The following MARK4 variants were observed in gnomAD, a reference collection of about 807,000 sequenced individuals.
MARK4 encodes the protein microtubule affinity regulating kinase 4.
Under a neutral mutation model 81.5 loss-of-function variants are expected in MARK4, and 19 were observed. The ratio of observed to expected loss-of-function variants is 0.23; its 90% CI spans 0.16 to 0.34. The LOEUF is 0.34. MARK4 is among the 10% of genes least tolerant of loss of function. The pLI is 1.00. For synonymous variants in MARK4, 436 were observed against 439.0 expected, an observed-to-expected ratio of 0.99 and a Z score of 0.08; for missense variants, 772 against 1,058.8, an observed-to-expected ratio of 0.73 and a Z score of 3.76.
intron 7 of MARK4, among the ~76,000 whole-genome samples, chr19:45,270,141 T>TGATC (rs779606213): frequency 1.4e-4 from 22 of 152,160 alleles, no homozygotes; most frequent in Non-Finnish European, 3.1e-4. Flanking sequence ...AAATGTTTAC[T>TGATC]GATCACTGAC....
intron 7 of MARK4, among the ~76,000 whole-genome samples, chr19:45,270,701 G>C (rs572979422): frequency 6.6e-6 from 1 of 152,268 alleles, no homozygotes; most frequent in Admixed American, 6.5e-5. Context: ...CCAGGTTCAA[G>C]CAATTTTTGT....
At chr19:45,284,307 C>T (rs895428637) in intron 12 of MARK4, among the ~76,000 whole-genome samples, 3 of 151,512 alleles carry the variant, frequency 2.0e-5, no homozygotes, top group East Asian at 1.9e-4. Context: ...TGTGCCCAGC[C>T]ACTCCTAGAT....
chr19:45,270,401 G>A (rs1356073678), intron 7 of MARK4, among the ~76,000 whole-genome samples: 3 of 152,092 alleles, frequency 2.0e-5, no homozygotes, highest in African/African-American at 4.8e-5. Flanking sequence ...ACAGAGCCCA[G>A]TGCATGGTAG....
chr19:45,252,837 C>T (rs1257415286), intron 1 of MARK4, among the ~76,000 whole-genome samples: 1 of 152,160 alleles, frequency 6.6e-6, no homozygotes, highest in Non-Finnish European at 1.5e-5. Flanking sequence ...GTTCCTACCC[C>T]ATACTTCCAG....
chr19:45,255,863 C>G (rs1382132200), intron 1 of MARK4, among the ~76,000 whole-genome samples: 1 of 149,664 alleles, frequency 6.7e-6, no homozygotes, highest in African/African-American at 2.5e-5. Flanking sequence ...TGGCGGGAGG[C>G]CTCAGGCACC....
In MARK4 at chr19:45,266,262, T is replaced by C; in HGVS notation, c.530T>C (p.Ile177Thr). The C allele has an allele frequency of 6.2e-7, 1 of 1,613,784 alleles. No homozygotes were observed. The highest frequency in any genetic ancestry group is 8.5e-7 in the Non-Finnish European group (1 of 1,179,804). ...GTGCACTATTGTCACCAGAAAAATA[T>C]TGTACACAGGGACCTGAAGGTAAGC... is the stretch of plus-strand genomic sequence containing the variant. Reference protein sequence around the residue: ...SAVHYCHQKNIVHRDLKAENL... With the variant: ...SAVHYCHQKNTVHRDLKAENL... Residue 177 changes from isoleucine (I) to threonine (T), a missense_variant, in exon 7 of 17, where the codon ATT (isoleucine) becomes ACT (threonine). This residue lies in a region of MARK4 where 109 missense variants were observed against 294.7 expected (regional missense o/e 0.37). Coordinates refer to ENST00000262891, the MANE Select transcript of MARK4 (RefSeq NM_001199867.2).
intron 13 of MARK4, chr19:45,287,966 C>T: frequency 2.3e-6 from 1 of 430,754 alleles, no homozygotes; most frequent in Non-Finnish European, 4.3e-6. Flanking sequence ...AGGCCAGGCA[C>T]AGTGGCTCAT....
intron 10 of MARK4, 105 bp from the exon 11 acceptor site, chr19:45,280,269 T>C (rs1470292900): frequency 9.7e-6 from 10 of 1,027,642 alleles, no homozygotes; most frequent in Non-Finnish European, 1.5e-5. Context: ...GCCACTGCAC[T>C]CCAGCCTGGG....
intron 6 of MARK4, among the ~76,000 whole-genome samples, chr19:45,265,221 C>G (rs151016226): frequency 6.6e-6 from 1 of 151,792 alleles, no homozygotes; most frequent in Non-Finnish European, 1.5e-5. Context: ...GATGGGGGCA[C>G]GAAGGTGCCA....
intron 9 of MARK4, among the ~76,000 whole-genome samples, 194 bp from the exon 10 acceptor site, chr19:45,278,322 C>G (rs367612429): frequency 6.6e-6 from 1 of 151,916 alleles, no homozygotes; most frequent in Non-Finnish European, 1.5e-5. Context: ...CCAGATGATG[C>G]GGAGGAGGGA....
At chr19:45,287,781 C>CCATT in intron 13 of MARK4, 117 bp downstream of exon 13, 1 of 1,167,130 alleles carries the variant, frequency 8.6e-7, no homozygotes, top group East Asian at 2.6e-5. Context: ...CTTCTTCTAC[C>CCATT]CATTCATTCA....
chr19:45,283,101 T>C (rs1970697400), intron 12 of MARK4, among the ~76,000 whole-genome samples: 1 of 151,678 alleles, frequency 6.6e-6, no homozygotes, highest in Admixed American at 6.6e-5. Context: ...AAAAAGAAAA[T>C]TCACAACTTT....
intron 8 of MARK4, among the ~76,000 whole-genome samples, chr19:45,274,189 G>A (rs1410367887): frequency 6.6e-6 from 1 of 151,946 alleles, no homozygotes; most frequent in African/African-American, 2.4e-5. Context: ...GTGGAGCTTG[G>A]AGTGAGCGGA....
At chr19:45,266,176 C>T (rs1029774075) in intron 6 of MARK4, 49 bp from the exon 7 acceptor site, 11 of 1,592,956 alleles carry the variant, frequency 6.9e-6, no homozygotes, top group Non-Finnish European at 9.5e-6. Context: ...CTGAGGGAGG[C>T]TGAGGGTTTT....
intron 10 of MARK4, 36 bp downstream of exon 10, chr19:45,278,651 T>C (rs1454179388): frequency 4.7e-6 from 7 of 1,490,586 alleles, no homozygotes; most frequent in Non-Finnish European, 5.6e-6. Context: ...TCACCCAGGA[T>C]GGAGTGCAGT....
intron 16 of MARK4, among the ~76,000 whole-genome samples, chr19:45,300,941 G>C (rs1012802337): frequency 6.6e-6 from 1 of 152,036 alleles, no homozygotes; most frequent in Non-Finnish European, 1.5e-5. Flanking sequence ...CGGCCCCACC[G>C]GAACAAGGGA....
intron 7 of MARK4, 126 bp downstream of exon 7, chr19:45,266,407 T>A: frequency 1.2e-6 from 1 of 867,250 alleles, no homozygotes; most frequent in African/African-American, 1.6e-5. Flanking sequence ...CCTCCTGCTC[T>A]TCCCTCCACA....
intron 12 of MARK4, among the ~76,000 whole-genome samples, chr19:45,285,332 G>A (rs1460414445): frequency 6.6e-6 from 1 of 151,414 alleles, no homozygotes; most frequent in Non-Finnish European, 1.5e-5. Flanking sequence ...CCACTCATCA[G>A]GATCAGGATG....
At chr19:45,299,100 G>T (rs1278021190) in intron 15 of MARK4, among the ~76,000 whole-genome samples, 1 of 150,860 alleles carries the variant, frequency 6.6e-6, no homozygotes, top group Non-Finnish European at 1.5e-5. Context: ...ATTGAACAGG[G>T]AGGGGAATAA....
Sources: gnomAD v4.1 joint callset for allele counts (sites outside exome capture counted in the v4.1 genomes callset) on GRCh38, gnomAD v4.1.1 for gene constraint, gnomAD v4.1.1 regional missense constraint, MANE v1.5 for transcripts, NCBI Gene and HGNC (gene_info 2026-07-23, HGNC 2026-07-21) for gene names.